Variants in MAN2A1 observed in about 807,000 individuals in gnomAD.
MAN2A1 encodes alpha-mannosidase 2.
Under a neutral mutation model 142.6 loss-of-function variants are expected in MAN2A1, and 76 were observed. The ratio of observed to expected loss-of-function variants is 0.53; its 90% CI spans 0.44 to 0.65. The LOEUF (loss-of-function observed/expected upper bound fraction) is 0.65, where lower values mean the gene tolerates loss of function less well. Ranked by LOEUF, MAN2A1 falls within the 30% of genes least tolerant of loss-of-function variation. The pLI, the probability that MAN2A1 is intolerant of heterozygous loss-of-function variation, is 0.00. For missense variants in MAN2A1, 1,311 were observed against 1,365.1 expected, an observed-to-expected ratio of 0.96 and a Z score of 0.62; for synonymous variants, 559 against 473.2, an observed-to-expected ratio of 1.18 and a Z score of -2.35.
At position 109,847,745 on chromosome 5, in the gene MAN2A1, T is replaced by C; in HGVS notation, c.2931T>C (p.Ala977=). The change falls in exon 19 of 22, where the codon GCT becomes GCC. Residue 977 remains alanine (A), a synonymous_variant. Transcript: ENST00000261483. ...GTATCCAGGATAACAAGATTACAGC[T>C]AATCTATTTCGAATACTACTAGAAA... ...EQGIQDNKIT[A]NLFRILLEKR... is the part of the protein sequence containing the mutation. 3 of 1,597,986 alleles carry C rather than the reference T, an allele frequency of 1.9e-6. No homozygotes were observed. Among genetic ancestry groups the C allele is most frequent in the Non-Finnish European group, 2.6e-6 (3 of 1,172,698 alleles).
rs372287583 is a variant in MAN2A1 at position 109,841,708 on chromosome 5, A to G, written c.2567-620A>G. ...AAAGGACAAAATGGATCATTTCATAACAAGGAGTCCTAAGAGATAACTAAA... is the reference window on the plus strand; with the variant it reads ...AAAGGACAAAATGGATCATTTCATAGCAAGGAGTCCTAAGAGATAACTAAA... On this transcript the variant is annotated intron_variant, in intron 16 of 21. Coordinates refer to ENST00000261483, the MANE Select transcript of MAN2A1 (RefSeq NM_002372.4). Among the ~76,000 whole-genome samples, 55 of 152,360 alleles carry G rather than the reference A, an allele frequency of 3.6e-4. No homozygotes were observed. The South Asian group carries it at 0.011, about 30-fold the overall frequency.
At chr5:109,693,715 C>A (rs1750736909) in intron 1 of MAN2A1, among the ~76,000 whole-genome samples, 1 of 152,094 alleles carries the variant, frequency 6.6e-6, no homozygotes. Flanking sequence ...GGAACAGCTG[C>A]CTGCCTCTAA....
chr5:109,826,984 A>C (rs994069250), intron 16 of MAN2A1, among the ~76,000 whole-genome samples: 2 of 152,244 alleles, frequency 1.3e-5, no homozygotes, highest in African/African-American at 2.4e-5. Flanking sequence ...CTAGTATTGC[A>C]TAAAATAACA....
chr5:109,865,977 G>A (rs185547010), intron 21 of MAN2A1, among the ~76,000 whole-genome samples: 5 of 152,134 alleles, frequency 3.3e-5, no homozygotes, highest in African/African-American at 1.2e-4. Flanking sequence ...AAATAATGCT[G>A]TAGACCAGAC....
chr5:109,836,892 G>A (rs1419777802), intron 16 of MAN2A1, among the ~76,000 whole-genome samples: 1 of 152,082 alleles, frequency 6.6e-6, no homozygotes, highest in African/African-American at 2.4e-5. Flanking sequence ...GAAAAGTATA[G>A]TATTGTGTTT....
chr5:109,800,139 A>G (rs1753980760), intron 12 of MAN2A1, among the ~76,000 whole-genome samples: 1 of 151,600 alleles, frequency 6.6e-6, no homozygotes, highest in Non-Finnish European at 1.5e-5. Flanking sequence ...ATGCACCCGA[A>G]TGTGCACACA....
chr5:109,777,853 A>C (rs763974584), intron 8 of MAN2A1, among the ~76,000 whole-genome samples: 11 of 152,126 alleles, frequency 7.2e-5, no homozygotes, highest in Non-Finnish European at 1.2e-4. Context: ...GTCATTAATC[A>C]TGAATGAGAC....
At chr5:109,848,461 G>A (rs1755397059) in intron 19 of MAN2A1, among the ~76,000 whole-genome samples, 1 of 152,168 alleles carries the variant, frequency 6.6e-6, no homozygotes, top group South Asian at 2.1e-4. Context: ...ACCATTGCAA[G>A]TCCTTTCTGC....
At chr5:109,780,079 A>T (rs1025176449) in intron 8 of MAN2A1, among the ~76,000 whole-genome samples, 2 of 151,944 alleles carry the variant, frequency 1.3e-5, no homozygotes, top group Non-Finnish European at 2.9e-5. Context: ...TGTTTTTGAG[A>T]TGGAGTCTCG....
At chr5:109,799,454 TA>T (rs948408017) in intron 12 of MAN2A1, among the ~76,000 whole-genome samples, 5 of 151,606 alleles carry the variant, frequency 3.3e-5, no homozygotes, top group Non-Finnish European at 7.4e-5. Context: ...CCTGGGGGGT[TA>T]AAAAAAACAA....
chr5:109,763,834 C>T (rs34247538), intron 5 of MAN2A1, among the ~76,000 whole-genome samples: 26,521 of 150,714 alleles, frequency 0.18, 3,276 homozygotes, highest in East Asian at 0.64. Context: ...CGGAGTCTCA[C>T]TCTATCTCCC....
At chr5:109,761,984 A>T (rs1369316221) in intron 5 of MAN2A1, among the ~76,000 whole-genome samples, 3 of 152,144 alleles carry the variant, frequency 2.0e-5, no homozygotes, top group African/African-American at 7.2e-5. Context: ...ACATGCAGTC[A>T]GTGTGGGAAA....
chr5:109,712,717 CCTGA>C (rs1379070970), intron 1 of MAN2A1, among the ~76,000 whole-genome samples: 1 of 152,232 alleles, frequency 6.6e-6, no homozygotes, highest in East Asian at 1.9e-4. Context: ...AGCATACATG[CCTGA>C]CACAGTGGCC....
chr5:109,775,734 T>C (rs1014598554), intron 8 of MAN2A1, among the ~76,000 whole-genome samples: 16 of 152,142 alleles, frequency 1.1e-4, no homozygotes, highest in African/African-American at 3.9e-4. Context: ...TGTTTAAAAA[T>C]ATAACGATAA....
chr5:109,735,013 C>T (rs904115204), intron 4 of MAN2A1, among the ~76,000 whole-genome samples: 2 of 152,124 alleles, frequency 1.3e-5, no homozygotes, highest in African/African-American at 4.8e-5. Flanking sequence ...TCTTAAGTCT[C>T]TTTATAGGTC....
Position 109,784,738 on chromosome 5 carries a change from A to G in MAN2A1, c.1578-6A>G, listed in dbSNP as rs780716295. On this transcript the variant is annotated splice_polypyrimidine_tract_variant and splice_region_variant and intron_variant, in intron 9 of 21. Coordinates refer to ENST00000261483, the MANE Select transcript of MAN2A1 (RefSeq NM_002372.4). ...TAAAATAAAAATATGACTTTTATGCAATTAGGGCTGCTGAAATTCTTTACT... is the reference window on the plus strand; with the variant it reads ...TAAAATAAAAATATGACTTTTATGCGATTAGGGCTGCTGAAATTCTTTACT... 1 of 1,581,734 alleles carries G rather than the reference A, an allele frequency of 6.3e-7. No homozygotes were observed. Among genetic ancestry groups the G allele is most frequent in the Admixed American group, 1.9e-5 (1 of 52,762 alleles).
intron 4 of MAN2A1, among the ~76,000 whole-genome samples, chr5:109,735,878 GTTTTTTTTTTTT>G (rs35796131): frequency 1.0e-5 from 1 of 98,404 alleles, no homozygotes; most frequent in Non-Finnish European, 1.9e-5. Flanking sequence ...TTCCATTGGA[GTTTTTTTTTTTT>G]TTTTTTTTTC....
chr5:109,693,471 T>G (rs1404080292), intron 1 of MAN2A1, among the ~76,000 whole-genome samples: 2 of 152,080 alleles, frequency 1.3e-5, no homozygotes, highest in African/African-American at 4.8e-5. Flanking sequence ...TCCTCTAAAT[T>G]GCCCATTTAG....
chr5:109,790,865 G>C (rs1271025796), intron 12 of MAN2A1, among the ~76,000 whole-genome samples: 2 of 152,010 alleles, frequency 1.3e-5, no homozygotes, highest in Non-Finnish European at 2.9e-5. Flanking sequence ...GTGCAGTGAG[G>C]CAGGGCTGGA....
Sources: allele counts gnomAD v4.1 joint callset (sites outside exome capture counted in the v4.1 genomes callset), GRCh38; gene constraint gnomAD v4.1.1; transcripts MANE v1.5; gene names NCBI Gene and HGNC (gene_info 2026-07-23, HGNC 2026-07-21).